The following PAIP2B variants were observed in gnomAD, a reference collection of about 807,000 sequenced individuals.
The protein encoded by PAIP2B is poly(A) binding protein interacting protein 2B.
Under a neutral mutation model 17.0 loss-of-function variants are expected in PAIP2B, and 13 were observed. That is an observed-to-expected ratio of 0.76 (90% confidence interval 0.50 to 1.22). The LOEUF is 1.22. Among genes scored for constraint, PAIP2B ranks in the 50% most tolerant of loss-of-function variants. The pLI, the probability that PAIP2B is intolerant of heterozygous loss-of-function variation, is 0.00. For missense variants in PAIP2B, 117 were observed against 144.5 expected (o/e 0.81, Z 0.98); for synonymous variants, 43 against 48.7 (o/e 0.88, Z 0.48).
chr2:71,194,459 TTGTGTGTG>T (rs141924993), intron 2 of PAIP2B, among the ~76,000 whole-genome samples: 63 of 143,482 alleles, frequency 4.4e-4, no homozygotes, highest in South Asian at 1.1e-3. Context: ...TATTCCTAGG[TTGTGTGTG>T]TGTGTGTGTG....
chr2:71,222,817 G>A (rs998176007), intron 1 of PAIP2B, among the ~76,000 whole-genome samples: 1 of 152,190 alleles, frequency 6.6e-6, no homozygotes, highest in Admixed American at 6.5e-5. Flanking sequence ...ATAATATCCT[G>A]CCACTTACAT....
chr2:71,188,928 A>G (rs1674611198), intron 3 of PAIP2B, among the ~76,000 whole-genome samples: 1 of 151,902 alleles, frequency 6.6e-6, no homozygotes, highest in Admixed American at 6.6e-5. Flanking sequence ...TCTCTTGTGA[A>G]TATCCAAAAC....
chr2:71,188,981 A>G (rs357779), intron 3 of PAIP2B, among the ~76,000 whole-genome samples: 138,278 of 150,738 alleles, frequency 0.92, 63,447 homozygotes, highest in East Asian at 1. Flanking sequence ...TATGAGTTGT[A>G]TGAAAACTAT....
At chr2:71,207,285 A>G (rs1295752747) in intron 1 of PAIP2B, among the ~76,000 whole-genome samples, 1 of 152,196 alleles carries the variant, frequency 6.6e-6, no homozygotes, top group African/African-American at 2.4e-5. Flanking sequence ...CTTACTAGCA[A>G]TAGGGAGGAG....
At chr2:71,199,653 G>A (rs1189122839) in intron 2 of PAIP2B, among the ~76,000 whole-genome samples, 2 of 150,832 alleles carry the variant, frequency 1.3e-5, no homozygotes, top group African/African-American at 2.4e-5. Flanking sequence ...CGCAAGCTCC[G>A]CCTCCTGGGT....
In PAIP2B at chr2:71,188,238, T is replaced by C. The variant is rs1674593192; in HGVS notation, c.*241A>G. ...CAATTTCCTTAACTCGAAAGAGCTA[T>C]TTAAAAAAACAAAACAGGAAACTCC... is the stretch of plus-strand genomic sequence containing the variant. On this transcript the variant is annotated 3_prime_UTR_variant, in exon 4 of 4. Coordinates refer to ENST00000244221, the MANE Select transcript of PAIP2B (RefSeq NM_020459.1). The C allele has an allele frequency of 7.7e-6, 4 of 518,474 alleles. No homozygotes were observed. The highest frequency in any genetic ancestry group is 1.9e-5 in the African/African-American group (1 of 52,218). 32.1% of individuals were successfully genotyped at this position (518,474 alleles called of 1,614,324 possible). A position where few individuals can be genotyped will look rare whatever the true frequency, so the allele number is the denominator to read the frequency against.
intron 1 of PAIP2B, among the ~76,000 whole-genome samples, chr2:71,220,009 ATTC>A (rs1447641141): frequency 3.3e-5 from 5 of 152,172 alleles, no homozygotes; most frequent in African/African-American, 1.2e-4. Flanking sequence ...GGTCTTTCTC[ATTC>A]TTCTTTACAA....
chr2:71,188,468 GCTTT>G lies in PAIP2B; in HGVS notation c.*7_*10del, dbSNP rs1459719077. The G allele has an allele frequency of 6.2e-7, 1 of 1,602,352 alleles. No homozygotes were observed. The highest frequency in any genetic ancestry group is 8.5e-7 in the Non-Finnish European group (1 of 1,173,334). The stretch of plus-strand genomic sequence containing the variant: ...TGGGGACAGACAAGTCTTCCTCAAA[GCTTT>G]CTCGGCTCAGTACTTCTCTCCTGGA... On this transcript the variant is annotated 3_prime_UTR_variant, in exon 4 of 4. Coordinates refer to ENST00000244221, the MANE Select transcript of PAIP2B (RefSeq NM_020459.1).
intron 1 of PAIP2B, among the ~76,000 whole-genome samples, chr2:71,212,372 A>T (rs1463265850): frequency 6.6e-6 from 1 of 152,184 alleles, no homozygotes; most frequent in Non-Finnish European, 1.5e-5. Flanking sequence ...GCAAGAATCA[A>T]GTCCTTTACA....
In PAIP2B at chr2:71,184,985, A is replaced by T. The variant is rs1674498307; in HGVS notation, c.*3494T>A. ...TGACGAAGGCCTGCCCCCTCCTCAC[A>T]GTTGGGTAGATTCCTGGGTTCCTGA... On this transcript the variant is annotated 3_prime_UTR_variant, in exon 4 of 4. Coordinates refer to ENST00000244221, the MANE Select transcript of PAIP2B (RefSeq NM_020459.1). The T allele has an allele frequency of 1.3e-5, 2 of 152,262 alleles. No individual in the cohort carries two copies. Among genetic ancestry groups the T allele is most frequent in the Admixed American group, 1.3e-4 (2 of 15,290 alleles). 9.4% of individuals were successfully genotyped at this position (152,262 alleles called of 1,614,324 possible). A position where few individuals can be genotyped will look rare whatever the true frequency, so the allele number is the denominator to read the frequency against.
chr2:71,192,327 G>A (rs1012040650), intron 2 of PAIP2B, among the ~76,000 whole-genome samples: 16 of 149,514 alleles, frequency 1.1e-4, no homozygotes, highest in African/African-American at 3.9e-4. Flanking sequence ...GCCTATTGGC[G>A]CCTTTTTATC....
In PAIP2B at chr2:71,189,877, C is replaced by T. The variant is rs1288574022; in HGVS notation, c.283G>A (p.Val95Ile). 9 of 1,561,922 alleles carry T rather than the reference C, an allele frequency of 5.8e-6. No individual in the cohort carries two copies. In the East Asian group the frequency reaches 2.1e-4, roughly 37 times the overall value. ...QLQQQLNGLS[V>I]SEGHDSEDIL... The stretch of plus-strand genomic sequence containing the variant: ...TCTTCAGAATCATGACCTTCACTGA[C>T]TGACAGTCCATTTAACTGCTGTTGC... The change falls in exon 3 of 4, where the codon GTC becomes ATC. Residue 95 changes from valine (V) to isoleucine (I), a missense_variant. Transcript: ENST00000244221.
At chr2:71,213,334 T>A (rs983444030) in intron 1 of PAIP2B, among the ~76,000 whole-genome samples, 2 of 152,096 alleles carry the variant, frequency 1.3e-5, no homozygotes, top group African/African-American at 2.4e-5. Context: ...GCATAATACA[T>A]CTGTAATGAG....
chr2:71,211,107 C>T (rs541659451), intron 1 of PAIP2B, among the ~76,000 whole-genome samples: 107 of 152,012 alleles, frequency 7.0e-4, no homozygotes, highest in African/African-American at 2.4e-3. Context: ...ATTAGCTGGG[C>T]GTGGTGGCAG....
chr2:71,216,343 G>A (rs1291487236), intron 1 of PAIP2B, among the ~76,000 whole-genome samples: 1 of 152,092 alleles, frequency 6.6e-6, no homozygotes, highest in African/African-American at 2.4e-5. Context: ...GAATCTCCTG[G>A]CCTCTCTAAG....
Position 71,202,384 on chromosome 2 carries a change from C to A in PAIP2B, c.138+68G>T, listed in dbSNP as rs187803604. 3.5e-3 allele frequency: 5,404 copies of A among 1,549,664 alleles called. 17 individuals carry two copies. Among genetic ancestry groups the A allele is most frequent in the Non-Finnish European group, 4.4e-3 (5,086 of 1,144,354 alleles). On this transcript the variant is annotated intron_variant, in intron 2 of 3. Coordinates refer to ENST00000244221, the MANE Select transcript of PAIP2B (RefSeq NM_020459.1). Reference sequence around the variant, plus strand: ...ATCCATTTCTTTTGTAATAAACTGGCAGTAAAATATTATAGCTGTTGAGTT... The same window carrying A: ...ATCCATTTCTTTTGTAATAAACTGGAAGTAAAATATTATAGCTGTTGAGTT...
intron 1 of PAIP2B, among the ~76,000 whole-genome samples, chr2:71,203,717 T>C (rs1195798726): frequency 2.6e-5 from 4 of 151,522 alleles, no homozygotes; most frequent in African/African-American, 7.2e-5. Flanking sequence ...TTATATTTGT[T>C]ATAATTTTTA....
chr2:71,202,351 C>T, intron 2 of PAIP2B, 101 bp downstream of exon 2: 1 of 1,437,924 alleles, frequency 7.0e-7, no homozygotes, highest in Non-Finnish European at 9.4e-7. Context: ...TATTCTAAAG[C>T]TAACTGTATC....
At chr2:71,212,402 GCACC>G (rs532271039) in intron 1 of PAIP2B, among the ~76,000 whole-genome samples, 163 of 152,220 alleles carry the variant, frequency 1.1e-3, no homozygotes, top group African/African-American at 3.8e-3. Flanking sequence ...ATGCCTCTGT[GCACC>G]CACCAGGTCC....
Sources: gnomAD v4.1 joint callset for allele counts (sites outside exome capture counted in the v4.1 genomes callset) on GRCh38, gnomAD v4.1.1 for gene constraint, MANE v1.5 for transcripts, NCBI Gene and HGNC (gene_info 2026-07-23, HGNC 2026-07-21) for gene names.